MSI2: variants seen among roughly 807,000 people sequenced by gnomAD.
The protein encoded by MSI2 is musashi RNA binding protein 2.
Under a neutral mutation model 45.6 loss-of-function variants are expected in MSI2, and 17 were observed. The ratio of observed to expected loss-of-function variants is 0.37; its 90% CI spans 0.26 to 0.56. The LOEUF (loss-of-function observed/expected upper bound fraction) is 0.56, where lower values mean the gene tolerates loss of function less well. MSI2 is among the 20% of genes least tolerant of loss of function. The pLI is 0.77. For synonymous variants in MSI2, 156 were observed against 158.2 expected (o/e 0.99, Z 0.11); for missense variants, 293 against 444.2 (o/e 0.66, Z 3.06).
intron 10 of MSI2, among the ~76,000 whole-genome samples, chr17:57,638,764 T>C (rs1471874584): frequency 1.3e-5 from 2 of 151,898 alleles, no homozygotes; most frequent in East Asian, 1.9e-4. Flanking sequence ...TAGCCAGGCA[T>C]GGGGGCACAC....
intron 5 of MSI2, among the ~76,000 whole-genome samples, chr17:57,345,541 T>A (rs1361469383): frequency 1.3e-5 from 2 of 152,170 alleles, no homozygotes; most frequent in East Asian, 3.8e-4. Flanking sequence ...AAAAATTAAC[T>A]AAAGTCCAGC....
chr17:57,291,578 G>A (rs57937729), intron 5 of MSI2, among the ~76,000 whole-genome samples: 6,666 of 152,246 alleles, frequency 0.044, 241 homozygotes, highest in East Asian at 0.18. Context: ...TGAAATAACA[G>A]CTAAACATGC....
chr17:57,308,530 G>A (rs1051695238), intron 5 of MSI2, among the ~76,000 whole-genome samples: 25 of 152,200 alleles, frequency 1.6e-4, no homozygotes, highest in African/African-American at 5.3e-4. Flanking sequence ...CCGACTTAAC[G>A]GTTGGGATTT....
At chr17:57,390,557 C>T (rs575111751) in intron 5 of MSI2, among the ~76,000 whole-genome samples, 3 of 152,310 alleles carry the variant, frequency 2.0e-5, no homozygotes, top group South Asian at 4.1e-4. Flanking sequence ...CTGATTGCCA[C>T]GTACATCTAA....
Position 57,378,612 on chromosome 17 carries a change from G to T in MSI2, c.313-22767G>T, listed in dbSNP as rs534415730. ...GGGTTTCTCCGTATTAGCCAGGCTGGTCTCAAACTCCTGGCCTCAAGCCAT... is the reference window on the plus strand; with the variant it reads ...GGGTTTCTCCGTATTAGCCAGGCTGTTCTCAAACTCCTGGCCTCAAGCCAT... On this transcript the variant is annotated intron_variant, in intron 5 of 13. Coordinates refer to ENST00000284073, the MANE Select transcript of MSI2 (RefSeq NM_138962.4). Among the ~76,000 whole-genome samples the T allele has an allele frequency of 3.3e-5, 5 of 152,118 alleles. No homozygotes were observed. The East Asian group carries it at 9.7e-4, about 29-fold the overall frequency.
intron 6 of MSI2, among the ~76,000 whole-genome samples, chr17:57,489,874 C>T (rs1488069323): frequency 6.6e-6 from 1 of 152,160 alleles, no homozygotes; most frequent in East Asian, 1.9e-4. Flanking sequence ...GGTGTTGTAG[C>T]TCCTGTGGGC....
intron 4 of MSI2, among the ~76,000 whole-genome samples, chr17:57,260,532 A>C (rs759129848): frequency 6.6e-6 from 1 of 152,156 alleles, no homozygotes; most frequent in Non-Finnish European, 1.5e-5. Flanking sequence ...GTATTTATAA[A>C]AAGACACCTC....
intron 6 of MSI2, among the ~76,000 whole-genome samples, chr17:57,484,765 G>A (rs561371464): frequency 2.0e-4 from 30 of 152,244 alleles, no homozygotes; most frequent in Admixed American, 2.0e-4. Flanking sequence ...CTTGGCTTCC[G>A]TCCTCTCTCA....
chr17:57,433,420 A>G (rs2084635845), intron 6 of MSI2, among the ~76,000 whole-genome samples: 1 of 152,190 alleles, frequency 6.6e-6, no homozygotes, highest in African/African-American at 2.4e-5. Flanking sequence ...CAGGGATCAG[A>G]GTGATGCATC....
chr17:57,666,028 A>G (rs1912338058), intron 11 of MSI2, among the ~76,000 whole-genome samples: 1 of 152,072 alleles, frequency 6.6e-6, no homozygotes, highest in Non-Finnish European at 1.5e-5. Flanking sequence ...TTCCACTGCC[A>G]GGGAGCTCCC....
intron 8 of MSI2, among the ~76,000 whole-genome samples, chr17:57,602,488 G>T (rs570062256): frequency 1.3e-5 from 2 of 152,298 alleles, no homozygotes; most frequent in Admixed American, 1.3e-4. Context: ...GAGTAGCTGG[G>T]ATTATAGGCA....
In MSI2 at chr17:57,529,860, C is replaced by T. The variant is rs1247313511; in HGVS notation, c.454+136C>T. The T allele has an allele frequency of 1.5e-6, 1 of 681,830 alleles. No individual in the cohort carries two copies. Among genetic ancestry groups the T allele is most frequent in the African/African-American group, 1.9e-5 (1 of 53,634 alleles). 42.2% of individuals were successfully genotyped at this position (681,830 alleles called of 1,614,324 possible). A position where few individuals can be genotyped will look rare whatever the true frequency, so the allele number is the denominator to read the frequency against. ...GTAGAGGTGACCATCCATTGAAGAT[C>T]TTTATTCACGGAGAGTCCCAGTAGC... is the stretch of plus-strand genomic sequence containing the variant. On this transcript the variant is annotated intron_variant, in intron 7 of 13. Transcript: ENST00000284073. The surrounding 1 kb of genome is among the most constrained non-coding windows in gnomAD (Gnocchi z 5.3).
intron 5 of MSI2, among the ~76,000 whole-genome samples, chr17:57,373,519 A>G (rs553787021): frequency 5.3e-5 from 8 of 152,318 alleles, no homozygotes; most frequent in Non-Finnish European, 1.0e-4. Flanking sequence ...AGCAGAAAGG[A>G]ATTTGTTTGA....
At chr17:57,592,159 G>A (rs1368588874) in intron 7 of MSI2, among the ~76,000 whole-genome samples, 2 of 149,680 alleles carry the variant, frequency 1.3e-5, no homozygotes, top group Non-Finnish European at 3.0e-5. Context: ...GTGACAGAGC[G>A]AGACTCTGTC....
rs567988581 is a variant in MSI2, at chr17:57,280,553, C to T, written c.312+18361C>T. On this transcript the variant is annotated intron_variant, in intron 5 of 13. Coordinates refer to ENST00000284073, the MANE Select transcript of MSI2 (RefSeq NM_138962.4). This position sits in a 1 kb window ranked among gnomAD's most constrained non-coding sequence, Gnocchi z 4.2. ...AAATTTGACTTCTCATTGATGTGAG[C>T]AGAGCCCCCAACCCCCACCTCCGTG... Among the ~76,000 whole-genome samples, 35 of 152,048 alleles carry T rather than the reference C, an allele frequency of 2.3e-4. No individual in the cohort carries two copies. Among genetic ancestry groups the T allele is most frequent in the Non-Finnish European group, 4.0e-4 (27 of 68,020 alleles).
At position 57,527,122 on chromosome 17, in the gene MSI2, C is replaced by T. The variant is rs571060759; in HGVS notation, c.406-2554C>T. Among the ~76,000 whole-genome samples the T allele has an allele frequency of 2.0e-4, 31 of 152,256 alleles. No homozygotes were observed. In the South Asian group the frequency reaches 4.8e-3, roughly 23 times the overall value. On this transcript the variant is annotated intron_variant, in intron 6 of 13. Coordinates refer to ENST00000284073, the MANE Select transcript of MSI2 (RefSeq NM_138962.4). ...TCTGAGTCCCAGTACCAAAACATGG[C>T]CAGCACAGAAGGGCAGCTGTTTTCC...
At chr17:57,622,769 A>G (rs1027167151) in intron 9 of MSI2, among the ~76,000 whole-genome samples, 1 of 152,258 alleles carries the variant, frequency 6.6e-6, no homozygotes, top group African/African-American at 2.4e-5. Context: ...TCTACACTCA[A>G]TTTCGACGGG....
chr17:57,562,100 G>A (rs549726238), intron 7 of MSI2, among the ~76,000 whole-genome samples: 3 of 152,314 alleles, frequency 2.0e-5, no homozygotes, highest in African/African-American at 7.2e-5. Flanking sequence ...ATATATAGAA[G>A]TGTCCAATAA....
At chr17:57,625,819 AGGCAGGAACT>A (rs1908739368) in intron 9 of MSI2, 1 of 152,448 alleles carries the variant, frequency 6.6e-6, no homozygotes, top group South Asian at 2.1e-4. Flanking sequence ...CTCAGAAAAC[AGGCAGGAACT>A]GGGGGAGCTG....
Sources: gnomAD v4.1 joint callset for allele counts (sites outside exome capture counted in the v4.1 genomes callset) on GRCh38, gnomAD v4.1.1 for gene constraint, Gnocchi (gnomAD v3.1) non-coding constraint, MANE v1.5 for transcripts, NCBI Gene and HGNC (gene_info 2026-07-23, HGNC 2026-07-21) for gene names.